Variants in FLT3 observed in about 807,000 individuals in gnomAD.
FLT3 encodes the protein fms related receptor tyrosine kinase 3, also known as receptor-type tyrosine-protein kinase FLT3.
A neutral mutation model predicts 126.6 loss-of-function variants in FLT3; 46 were observed. The observed-to-expected ratio is 0.36, with a 90% CI of 0.29 to 0.46. The LOEUF (loss-of-function observed/expected upper bound fraction) is 0.46, where lower values mean the gene tolerates loss of function less well. Ranked by LOEUF, FLT3 falls within the 20% of genes least tolerant of loss-of-function variation. The probability of loss-of-function intolerance (pLI) is 1.00; values close to 1 mark genes in which losing one functional copy is unlikely to be tolerated. For synonymous variants in FLT3, 404 were observed against 434.4 expected (o/e 0.93, Z 0.87); for missense variants, 1,069 against 1,190.3 (o/e 0.90, Z 1.50).
At chr13:28,054,277 A>C (rs145552700) in intron 4 of FLT3, among the ~76,000 whole-genome samples, 1 of 152,174 alleles carries the variant, frequency 6.6e-6, no homozygotes, top group Non-Finnish European at 1.5e-5. Flanking sequence ...CAAGTATAAA[A>C]TGGTATTTCA....
chr13:28,021,258 T>C (rs1044019494), intron 19 of FLT3, among the ~76,000 whole-genome samples: 3 of 152,056 alleles, frequency 2.0e-5, no homozygotes, highest in Non-Finnish European at 4.4e-5. Flanking sequence ...GGTGTGGTGG[T>C]GCACACCTGT....
intron 8 of FLT3, 56 bp from the exon 9 acceptor site, chr13:28,048,499 A>G: frequency 8.6e-7 from 1 of 1,157,606 alleles, no homozygotes; most frequent in East Asian, 2.4e-5. Context: ...AGGGAAACGT[A>G]TTGAGAAGAT....
intron 14 of FLT3, 42 bp downstream of exon 14, chr13:28,034,040 A>G (rs892869737): frequency 8.1e-6 from 13 of 1,613,282 alleles, no homozygotes; most frequent in Non-Finnish European, 1.1e-5. Flanking sequence ...TTTCCAATGG[A>G]AAAGAAATGC....
chr13:28,091,388 A>G (rs1443710075), intron 1 of FLT3, among the ~76,000 whole-genome samples: 2 of 146,870 alleles, frequency 1.4e-5, no homozygotes, highest in African/African-American at 5.0e-5. Context: ...CGCCCGGCTA[A>G]TTTTTTGTAT....
Position 28,061,890 on chromosome 13 carries a change from C to T in FLT3, c.345G>A (p.Gln115=), listed in dbSNP as rs778068222. ...ACCTGTTTTGTAAATCAAAATGTGG[C>T]TGGCAATTCAGGGAGCTGTGCTTAA... ...WVFKHSSLNC[Q]PHFDLQNRGV... Residue 115 remains glutamine, a synonymous_variant, in exon 3 of 24, where the codon CAG becomes CAA. Transcript: ENST00000241453. 1 of 1,613,974 alleles carries T rather than the reference C, an allele frequency of 6.2e-7. No homozygotes were observed. The highest frequency in any genetic ancestry group is 1.1e-5 in the South Asian group (1 of 91,080).
chr13:28,070,525 T>C lies in FLT3; in HGVS notation c.131A>G (p.Asp44Gly). ...KCVLINHKNN[D>G]SSVGKSSSYP... ...TGATGATGACTTCCCCACTGATGAA[T>C]CATTGTTCTTATGATTGATTAAAAC... Residue 44 changes from aspartate to glycine, a missense_variant, in exon 2 of 24, where the codon GAT (aspartate) becomes GGT (glycine). Asp to Gly is a moderately conservative substitution (Grantham distance 94). Transcript: ENST00000241453. The C allele has an allele frequency of 6.2e-7, 1 of 1,609,196 alleles. No homozygotes were observed. The highest frequency in any genetic ancestry group is 8.5e-7 in the Non-Finnish European group (1 of 1,175,960).
chr13:28,015,510 G>T (rs745619215), intron 21 of FLT3, 80 bp downstream of exon 21: 2 of 779,850 alleles, frequency 2.6e-6, no homozygotes, highest in Non-Finnish European at 4.4e-6. Flanking sequence ...ATCAGTGTTG[G>T]GGGGAGGGGT....
intron 1 of FLT3, among the ~76,000 whole-genome samples, chr13:28,072,768 C>T (rs1877627154): frequency 6.6e-6 from 1 of 152,078 alleles, no homozygotes; most frequent in Non-Finnish European, 1.5e-5. Context: ...CTTTGGGAGG[C>T]CGAGGCGGGT....
At chr13:28,094,729 G>T (rs1026765627) in intron 1 of FLT3, among the ~76,000 whole-genome samples, 1 of 152,080 alleles carries the variant, frequency 6.6e-6, no homozygotes, top group Non-Finnish European at 1.5e-5. Flanking sequence ...TTGAACTCCT[G>T]GGCTCCAGTG....
chr13:28,011,042 T>C (rs1463504002), intron 23 of FLT3, among the ~76,000 whole-genome samples: 1 of 148,598 alleles, frequency 6.7e-6, no homozygotes, highest in Non-Finnish European at 1.5e-5. Context: ...CCAGGTGGGG[T>C]GGCTCACGCC....
In FLT3 at chr13:28,019,187, G is replaced by A. The variant is rs577040305; in HGVS notation, c.2419-598C>T. On this transcript the variant is annotated intron_variant, in intron 19 of 23. Transcript: ENST00000241453. ...TCGCCATGTTGGTCAGGCTGGTCTCGAACTCCTGACCTCAGGTGATCCACC... is the reference window on the plus strand; with the variant it reads ...TCGCCATGTTGGTCAGGCTGGTCTCAAACTCCTGACCTCAGGTGATCCACC... 2.0e-5 allele frequency among the ~76,000 whole-genome samples: 3 copies of A among 152,126 alleles called. No homozygotes were observed. In the South Asian group the frequency reaches 6.2e-4, roughly 32 times the overall value.
rs761250180 is a variant in FLT3, at chr13:28,023,407, A to G, written c.2361T>C (p.Asp787=). 10 of 1,613,864 alleles carry G rather than the reference A, an allele frequency of 6.2e-6. No homozygotes were observed. The African/African-American group carries it at 1.2e-4, about 19-fold the overall frequency. The change falls in exon 19 of 24, where the codon GAT becomes GAC. Residue 787 remains aspartate (D), a synonymous_variant. Transcript: ENST00000241453. ...EEDLNVLTFE[D]LLCFAYQVAK... ...CAACTTGATATGCAAAGCAAAGAAG[A>G]TCTTCAAATGTAAGCACATTCAAGT... is the stretch of plus-strand genomic sequence containing the variant.
intron 1 of FLT3, among the ~76,000 whole-genome samples, chr13:28,099,321 T>G (rs1879671177): frequency 6.6e-6 from 1 of 152,224 alleles, no homozygotes; most frequent in Non-Finnish European, 1.5e-5. Flanking sequence ...ACATTTGAAA[T>G]TACAGATTTA....
rs1428820493 is a variant in FLT3, at chr13:28,050,150, T to C, written c.687A>G (p.Ile229Met). Residue 229 changes from isoleucine (I) to methionine (M), a missense_variant, in exon 6 of 24, where the codon ATA becomes ATG. Coordinates refer to ENST00000241453, the MANE Select transcript of FLT3 (RefSeq NM_004119.3). ...CCAGTTCATTTCTGGCACAGCACCT[T>C]ATGTCCGTCCCAAATAATTCATGAA... ...KVLHELFGTDIRCCARNELGR... is the reference protein window; with the variant it reads ...KVLHELFGTDMRCCARNELGR... 1 of 1,613,980 alleles carries C rather than the reference T, an allele frequency of 6.2e-7. No individual in the cohort carries two copies. Among genetic ancestry groups the C allele is most frequent in the Non-Finnish European group, 8.5e-7 (1 of 1,179,920 alleles).
In FLT3 at chr13:28,023,833, C is replaced by T. The variant is rs111743470; in HGVS notation, c.2291-356G>A. On this transcript the variant is annotated intron_variant, in intron 18 of 23. Coordinates refer to ENST00000241453, the MANE Select transcript of FLT3 (RefSeq NM_004119.3). Reference sequence around the variant, plus strand: ...TTTTTGAGAAGGAGTCTCGCTCTGTCGCCCAGGCTGGAGTGCAGTGACACG... The same window carrying T: ...TTTTTGAGAAGGAGTCTCGCTCTGTTGCCCAGGCTGGAGTGCAGTGACACG... Among the ~76,000 whole-genome samples, 1,106 of 151,528 alleles carry T rather than the reference C, an allele frequency of 7.3e-3. 18 individuals are homozygous for T. The highest frequency in any genetic ancestry group is 0.024 in the African/African-American group (973 of 41,266).
At chr13:28,049,964 G>C (rs2137730044) in intron 6 of FLT3, 131 bp downstream of exon 6, 1 of 1,177,956 alleles carries the variant, frequency 8.5e-7, no homozygotes, top group East Asian at 2.3e-5. Flanking sequence ...CCATAATATT[G>C]CATTTACTGT....
intron 23 of FLT3, among the ~76,000 whole-genome samples, chr13:28,010,505 C>T (rs1566053895): frequency 6.6e-6 from 1 of 152,220 alleles, no homozygotes; most frequent in Non-Finnish European, 1.5e-5. Context: ...AAGATTGAAG[C>T]ATGTTTGTCC....
chr13:28,014,240 C>T (rs1871634284), intron 23 of FLT3, among the ~76,000 whole-genome samples: 1 of 152,078 alleles, frequency 6.6e-6, no homozygotes, highest in Non-Finnish European at 1.5e-5. Flanking sequence ...CCACACACTC[C>T]AGCCTGGGCC....
At chr13:28,038,133 C>T (rs1203585542) in intron 9 of FLT3, among the ~76,000 whole-genome samples, 1 of 152,178 alleles carries the variant, frequency 6.6e-6, no homozygotes, top group African/African-American at 2.4e-5. Context: ...ATCCACTGAG[C>T]TTGTGCAGAA....
Sources: allele counts gnomAD v4.1 joint callset (sites outside exome capture counted in the v4.1 genomes callset), GRCh38; gene constraint gnomAD v4.1.1; transcripts MANE v1.5; gene names NCBI Gene and HGNC (gene_info 2026-07-23, HGNC 2026-07-21).